The following SLC2A13 variants were observed in gnomAD, a reference collection of about 807,000 sequenced individuals.
The protein encoded by SLC2A13 is solute carrier family 2 member 13, also known as proton myo-inositol cotransporter.
In SLC2A13, 32 loss-of-function variants were observed where a neutral mutation model predicts 64.4. The observed-to-expected ratio is 0.50, with a 90% CI of 0.37 to 0.67. The LOEUF is 0.67. Among genes scored for constraint, SLC2A13 ranks in the 30% least tolerant of loss-of-function variants. The probability of loss-of-function intolerance (pLI) is 0.00; values close to 1 mark genes in which losing one functional copy is unlikely to be tolerated. For synonymous variants in SLC2A13, 338 were observed against 327.1 expected (o/e 1.03, Z -0.36); for missense variants, 743 against 829.2 (o/e 0.90, Z 1.28).
At chr12:39,816,025 T>TA (rs1475168960) in intron 7 of SLC2A13, among the ~76,000 whole-genome samples, 1 of 152,226 alleles carries the variant, frequency 6.6e-6, no homozygotes, top group Non-Finnish European at 1.5e-5. Context: ...TCTCTAGACT[T>TA]ACAGTGTCCA....
At chr12:40,025,629 C>A (rs571321547) in intron 3 of SLC2A13, among the ~76,000 whole-genome samples, 2 of 152,182 alleles carry the variant, frequency 1.3e-5, no homozygotes, top group Admixed American at 1.3e-4. Context: ...TCTTAAACAA[C>A]GTCTTTCTAA....
At chr12:39,856,456 C>T (rs1294174040) in intron 6 of SLC2A13, among the ~76,000 whole-genome samples, 1 of 152,168 alleles carries the variant, frequency 6.6e-6, no homozygotes, top group Non-Finnish European at 1.5e-5. Context: ...GTAACCTCTG[C>T]CTCCCGGGCT....
At chr12:40,044,964 T>C (rs1023841052) in intron 2 of SLC2A13, among the ~76,000 whole-genome samples, 3 of 152,170 alleles carry the variant, frequency 2.0e-5, no homozygotes, top group Admixed American at 1.3e-4. Context: ...GGCCAAGTAA[T>C]AGCCATGTGG....
At chr12:39,991,905 A>G (rs778986838) in intron 3 of SLC2A13, among the ~76,000 whole-genome samples, 3 of 152,144 alleles carry the variant, frequency 2.0e-5, no homozygotes, top group African/African-American at 7.2e-5. Context: ...TAGCTCACAC[A>G]TCCTGATTTG....
intron 3 of SLC2A13, among the ~76,000 whole-genome samples, chr12:40,007,448 G>C (rs1947442499): frequency 6.6e-6 from 1 of 151,922 alleles, no homozygotes; most frequent in Non-Finnish European, 1.5e-5. Flanking sequence ...TTAATTGACT[G>C]TCCACCAAAC....
intron 7 of SLC2A13, among the ~76,000 whole-genome samples, chr12:39,821,513 G>A (rs1459448166): frequency 1.3e-5 from 2 of 152,104 alleles, no homozygotes; most frequent in Non-Finnish European, 2.9e-5. Flanking sequence ...AAAAGAGAGC[G>A]AATTGCAGTG....
chr12:39,970,701 A>G (rs1452232691), intron 3 of SLC2A13, among the ~76,000 whole-genome samples: 4 of 152,148 alleles, frequency 2.6e-5, no homozygotes, highest in African/African-American at 9.6e-5. Context: ...CACAATTTTC[A>G]TCTCTAATTC....
At chr12:39,821,423 T>TAAA (rs1942506807) in intron 7 of SLC2A13, among the ~76,000 whole-genome samples, 1 of 150,848 alleles carries the variant, frequency 6.6e-6, no homozygotes, top group African/African-American at 2.5e-5. Context: ...AAAAAAAAAT[T>TAAA]TTTTTTTGTG....
At chr12:39,991,316 C>T (rs11174631) in intron 3 of SLC2A13, among the ~76,000 whole-genome samples, 5,649 of 152,204 alleles carry the variant, frequency 0.037, 212 homozygotes, top group Admixed American at 0.12. Context: ...CAAGTGACAT[C>T]GTAGCCCTAC....
At chr12:39,939,810 G>T (rs980340513) in intron 4 of SLC2A13, among the ~76,000 whole-genome samples, 10 of 152,094 alleles carry the variant, frequency 6.6e-5, no homozygotes, top group African/African-American at 2.4e-4. Context: ...ATCCAAGAAA[G>T]GCTTAAAGTA....
chr12:39,977,426 A>G (rs1478141842), intron 3 of SLC2A13, among the ~76,000 whole-genome samples: 3 of 152,264 alleles, frequency 2.0e-5, no homozygotes, highest in Admixed American at 6.5e-5. Flanking sequence ...ATTTTGTCTC[A>G]GTGTTCACTT....
Position 39,798,969 on chromosome 12 carries a change from C to T in SLC2A13, c.1445+31134G>A, listed in dbSNP as rs1461422018. Among the ~76,000 whole-genome samples, 7 of 151,016 alleles carry T rather than the reference C, an allele frequency of 4.6e-5. No individual in the cohort carries two copies. In the Middle Eastern group the frequency reaches 0.01, roughly 220 times the overall value. On this transcript the variant is annotated intron_variant, in intron 7 of 9. Coordinates refer to ENST00000280871, the MANE Select transcript of SLC2A13 (RefSeq NM_052885.4). Reference sequence around the variant, plus strand: ...TTGTCTCCAAAATAAATTAGAGTAACAAAACAAAGGTGTTGCTTGTTTTGA... The same window carrying T: ...TTGTCTCCAAAATAAATTAGAGTAATAAAACAAAGGTGTTGCTTGTTTTGA...
chr12:40,017,850 G>T (rs925942136), intron 3 of SLC2A13, among the ~76,000 whole-genome samples: 12 of 151,950 alleles, frequency 7.9e-5, no homozygotes, highest in Non-Finnish European at 1.6e-4. Flanking sequence ...TTCTTTAGAG[G>T]TTCCTCTGTG....
chr12:39,943,060 A>C (rs908390998), intron 4 of SLC2A13, among the ~76,000 whole-genome samples: 5 of 152,138 alleles, frequency 3.3e-5, no homozygotes, highest in Admixed American at 3.3e-4. Flanking sequence ...ACTCCAGGCC[A>C]TCTGCCTGTA....
chr12:40,083,588 C>T (rs763728310), intron 1 of SLC2A13, among the ~76,000 whole-genome samples: 3 of 152,148 alleles, frequency 2.0e-5, no homozygotes, highest in Admixed American at 1.3e-4. Context: ...GGCCTCAAGG[C>T]AGGGCAAGGA....
At chr12:39,807,205 G>A (rs544941530) in intron 7 of SLC2A13, among the ~76,000 whole-genome samples, 2 of 152,302 alleles carry the variant, frequency 1.3e-5, no homozygotes, top group East Asian at 1.9e-4. Flanking sequence ...ACAGGGCCAC[G>A]TAGGATGTGG....
At chr12:39,807,533 C>CT (rs1409422866) in intron 7 of SLC2A13, among the ~76,000 whole-genome samples, 1 of 152,114 alleles carries the variant, frequency 6.6e-6, no homozygotes, top group East Asian at 1.9e-4. Flanking sequence ...AATTGAAAAA[C>CT]AAGTAAAGGG....
intron 6 of SLC2A13, among the ~76,000 whole-genome samples, chr12:39,859,425 G>A (rs1180636383): frequency 6.7e-6 from 1 of 148,940 alleles, no homozygotes; most frequent in Non-Finnish European, 1.5e-5. Context: ...AAAACAACAT[G>A]CCACTGTCCT....
chr12:39,866,088 G>GT (rs1326486429), intron 5 of SLC2A13, among the ~76,000 whole-genome samples: 1 of 152,192 alleles, frequency 6.6e-6, no homozygotes, highest in Non-Finnish European at 1.5e-5. Context: ...GACAAAATAA[G>GT]TTTAAAACAT....
Sources: gnomAD v4.1 joint callset for allele counts (sites outside exome capture counted in the v4.1 genomes callset) on GRCh38, gnomAD v4.1.1 for gene constraint, MANE v1.5 for transcripts, NCBI Gene and HGNC (gene_info 2026-07-23, HGNC 2026-07-21) for gene names.